Variants in KCNH1 observed in about 807,000 individuals in gnomAD.
The protein encoded by KCNH1 is potassium voltage-gated channel subfamily H member 1.
A neutral mutation model predicts 69.2 loss-of-function variants in KCNH1; 27 were observed. That is an observed-to-expected ratio of 0.39 (90% CI 0.29 to 0.54). The LOEUF (loss-of-function observed/expected upper bound fraction) is 0.54, where lower values mean the gene tolerates loss of function less well. KCNH1 is among the 20% of genes least tolerant of loss of function. The pLI is 0.68. For missense variants in KCNH1, 798 were observed against 1,261.6 expected (o/e 0.63, Z 5.57); for synonymous variants, 456 against 487.7 (o/e 0.93, Z 0.86).
At chr1:211,047,079 G>A (rs550642380) in intron 5 of KCNH1, among the ~76,000 whole-genome samples, 1 of 152,192 alleles carries the variant, frequency 6.6e-6, no homozygotes, top group South Asian at 2.1e-4. Flanking sequence ...CTTGTGAGAT[G>A]TTTTACATTC....
chr1:210,935,331 T>C (rs1402726437), intron 6 of KCNH1, among the ~76,000 whole-genome samples: 2 of 151,934 alleles, frequency 1.3e-5, no homozygotes, highest in African/African-American at 4.8e-5. Context: ...CTCATAGAAG[T>C]AGAGAGCAAA....
At chr1:211,092,930 G>A (rs915597337) in intron 3 of KCNH1, among the ~76,000 whole-genome samples, 1 of 151,912 alleles carries the variant, frequency 6.6e-6, no homozygotes, top group Non-Finnish European at 1.5e-5. Flanking sequence ...TTTAAACTGT[G>A]TCTCTGTTGC....
At chr1:210,883,780 T>C (rs539265473) in intron 7 of KCNH1, among the ~76,000 whole-genome samples, 4 of 152,218 alleles carry the variant, frequency 2.6e-5, no homozygotes, top group African/African-American at 9.6e-5. Context: ...CCAAGCAAGC[T>C]TGGTGGAGGT....
At chr1:210,857,717 A>T (rs1685885174) in intron 7 of KCNH1, among the ~76,000 whole-genome samples, 1 of 152,218 alleles carries the variant, frequency 6.6e-6, no homozygotes, top group South Asian at 2.1e-4. Context: ...AATTTGAAAT[A>T]TTTTGTGTAC....
chr1:211,006,857 A>G (rs1472280850), intron 6 of KCNH1, among the ~76,000 whole-genome samples: 1 of 152,184 alleles, frequency 6.6e-6, no homozygotes, highest in Non-Finnish European at 1.5e-5. Flanking sequence ...TGTCATAAAA[A>G]GGGAAAATCT....
intron 5 of KCNH1, among the ~76,000 whole-genome samples, chr1:211,067,396 T>C (rs1020788614): frequency 6.6e-6 from 1 of 152,192 alleles, no homozygotes; most frequent in Non-Finnish European, 1.5e-5. Flanking sequence ...AGCAAGAAGG[T>C]GGCTAAGGGC....
At chr1:211,016,409 A>G (rs1689492014) in intron 6 of KCNH1, among the ~76,000 whole-genome samples, 2 of 152,228 alleles carry the variant, frequency 1.3e-5, no homozygotes, top group Non-Finnish European at 2.9e-5. Flanking sequence ...GCAAAATTTC[A>G]GTCCATTACT....
At chr1:210,705,254 A>C (rs980854174) in intron 10 of KCNH1, among the ~76,000 whole-genome samples, 37 of 152,238 alleles carry the variant, frequency 2.4e-4, no homozygotes, top group African/African-American at 7.5e-4. Context: ...GCCAGTTTGC[A>C]GGCCTGCAGA....
At chr1:210,884,512 A>G (rs909210041) in intron 7 of KCNH1, among the ~76,000 whole-genome samples, 8 of 152,236 alleles carry the variant, frequency 5.3e-5, no homozygotes, top group African/African-American at 1.9e-4. Context: ...CACATAATTT[A>G]TAAGTCATGG....
intron 6 of KCNH1, among the ~76,000 whole-genome samples, chr1:210,958,031 T>A: frequency 6.6e-6 from 1 of 152,346 alleles, no homozygotes; most frequent in Admixed American, 6.5e-5. Context: ...CAATTTGGCA[T>A]GTTTTTGTAG....
At chr1:211,091,027 T>C (rs1170520774) in intron 3 of KCNH1, among the ~76,000 whole-genome samples, 1 of 152,102 alleles carries the variant, frequency 6.6e-6, no homozygotes, top group Non-Finnish European at 1.5e-5. Flanking sequence ...TTAGACCACA[T>C]AATGGACAGT....
chr1:210,849,231 C>A (rs144530778), intron 7 of KCNH1, among the ~76,000 whole-genome samples: 5 of 152,106 alleles, frequency 3.3e-5, no homozygotes, highest in African/African-American at 1.2e-4. Context: ...CAACAGAATT[C>A]CCTCTAAGAA....
rs1691302793 is a variant in KCNH1, at chr1:211,103,688, A to G, written c.204-86T>C. Reference sequence around the variant, plus strand: ...GTTAAATATCTGTTCTATATTCAGCACTGTGCTATGTACTGTGGAACACAC... The same window carrying G: ...GTTAAATATCTGTTCTATATTCAGCGCTGTGCTATGTACTGTGGAACACAC... On this transcript the variant is annotated intron_variant, in intron 2 of 10. Transcript: ENST00000271751. The G allele has an allele frequency of 1.5e-5, 13 of 865,316 alleles. No individual in the cohort carries two copies. The Admixed American group carries it at 2.2e-4, about 15-fold the overall frequency. 53.6% of individuals were successfully genotyped at this position (865,316 alleles called of 1,614,324 possible). A position where few individuals can be genotyped will look rare whatever the true frequency, so the allele number is the denominator to read the frequency against.
rs150127732 is a variant in KCNH1, at chr1:211,034,607, C to T, written c.559-15351G>A. Among the ~76,000 whole-genome samples, 745 of 152,134 alleles carry T rather than the reference C, an allele frequency of 4.9e-3. 2 individuals are homozygous for T. The highest frequency in any genetic ancestry group is 7.2e-3 in the Non-Finnish European group (489 of 68,006). ...AAAAGGCCCATGGGGTCACTTACATCGTTTCTTACAACTCTATATGAATCT... is the reference window on the plus strand; with the variant it reads ...AAAAGGCCCATGGGGTCACTTACATTGTTTCTTACAACTCTATATGAATCT... On this transcript the variant is annotated intron_variant, in intron 5 of 10. Coordinates refer to ENST00000271751, the MANE Select transcript of KCNH1 (RefSeq NM_172362.3).
chr1:210,789,182 TC>T (rs1327918362), intron 9 of KCNH1, among the ~76,000 whole-genome samples: 2 of 152,130 alleles, frequency 1.3e-5, no homozygotes, highest in Non-Finnish European at 2.9e-5. Flanking sequence ...CAACTTCAAG[TC>T]CCTGGAGCAA....
chr1:210,762,991 T>G (rs780573075), intron 10 of KCNH1, among the ~76,000 whole-genome samples: 2 of 152,064 alleles, frequency 1.3e-5, no homozygotes, highest in Non-Finnish European at 2.9e-5. Flanking sequence ...ACTAGGAAAC[T>G]AAATCCAGCA....
At chr1:210,763,046 C>G (rs375449779) in intron 10 of KCNH1, among the ~76,000 whole-genome samples, 33 of 152,090 alleles carry the variant, frequency 2.2e-4, no homozygotes, top group African/African-American at 8.0e-4. Flanking sequence ...GGCTTTATTC[C>G]TGGGATGCAA....
intron 5 of KCNH1, among the ~76,000 whole-genome samples, chr1:211,043,817 T>G (rs543070947): frequency 6.6e-6 from 1 of 152,152 alleles, no homozygotes; most frequent in African/African-American, 2.4e-5. Flanking sequence ...ATACACCACA[T>G]AAACAGAATT....
intron 7 of KCNH1, among the ~76,000 whole-genome samples, chr1:210,838,641 G>C (rs1163259031): frequency 6.6e-6 from 1 of 152,128 alleles, no homozygotes; most frequent in African/African-American, 2.4e-5. Context: ...CCTATAGAAT[G>C]GGAGAACATT....
Sources: allele counts gnomAD v4.1 joint callset (sites outside exome capture counted in the v4.1 genomes callset), GRCh38; gene constraint gnomAD v4.1.1; transcripts MANE v1.5; gene names NCBI Gene and HGNC (gene_info 2026-07-23, HGNC 2026-07-21).